MYO3B: variants seen among roughly 807,000 people sequenced by gnomAD.
MYO3B encodes the protein myosin IIIB.
MYO3B carries 156 observed loss-of-function variants against 174.6 expected under a neutral mutation model. The ratio of observed to expected loss-of-function variants is 0.89; its 90% CI spans 0.78 to 1.02. MYO3B has a LOEUF of 1.02. Ranked by LOEUF, MYO3B falls within the 50% of genes least tolerant of loss-of-function variation. The probability of loss-of-function intolerance (pLI) is 0.00; values close to 1 mark genes in which losing one functional copy is unlikely to be tolerated. For synonymous variants in MYO3B, 563 were observed against 569.1 expected (o/e 0.99, Z 0.15); for missense variants, 1,632 against 1,639.4 (o/e 1.00, Z 0.08).
chr2:170,250,647 G>A (rs900914409), intron 7 of MYO3B, among the ~76,000 whole-genome samples: 2 of 152,202 alleles, frequency 1.3e-5, no homozygotes, highest in Non-Finnish European at 2.9e-5. Flanking sequence ...AGGGTAGAGG[G>A]CCAGTGTGAC....
chr2:170,459,659 C>G (rs1684132822), intron 23 of MYO3B, among the ~76,000 whole-genome samples: 1 of 152,168 alleles, frequency 6.6e-6, no homozygotes, highest in Admixed American at 6.5e-5. Flanking sequence ...AGTCATGGGA[C>G]CGGGCGCCAT....
chr2:170,320,038 G>A (rs994901763), intron 7 of MYO3B, among the ~76,000 whole-genome samples: 1 of 152,144 alleles, frequency 6.6e-6, no homozygotes, highest in Non-Finnish European at 1.5e-5. Context: ...TGTCCTTCAG[G>A]TTGAATAGAA....
intron 23 of MYO3B, among the ~76,000 whole-genome samples, chr2:170,455,401 G>C (rs921133767): frequency 6.6e-6 from 1 of 152,106 alleles, no homozygotes; most frequent in Non-Finnish European, 1.5e-5. Context: ...TGGTTTCAGT[G>C]GCAGTATATA....
intron 7 of MYO3B, among the ~76,000 whole-genome samples, chr2:170,321,789 G>T (rs914654985): frequency 1.3e-5 from 2 of 152,104 alleles, no homozygotes; most frequent in Non-Finnish European, 2.9e-5. Context: ...GAAAATTCTT[G>T]TGTAAATACA....
intron 3 of MYO3B, among the ~76,000 whole-genome samples, chr2:170,210,421 C>T (rs746916395): frequency 1.3e-5 from 2 of 152,160 alleles, no homozygotes; most frequent in South Asian, 2.1e-4. Context: ...ACATACCTTG[C>T]GTGTAAATCT....
chr2:170,581,151 C>A (rs1368798655), intron 32 of MYO3B, among the ~76,000 whole-genome samples: 1 of 152,100 alleles, frequency 6.6e-6, no homozygotes, highest in African/African-American at 2.4e-5. Flanking sequence ...GACTGATGAA[C>A]CTTCCTTTTC....
Position 170,400,837 on chromosome 2 carries a change from C to G in MYO3B, c.1918+523C>G, listed in dbSNP as rs57598990. On this transcript the variant is annotated intron_variant, in intron 17 of 34. Transcript: ENST00000408978. ...AGGTAATTTTGAGCAGTGTTTTTTT[C>G]TTTTTTTTTTCGAGGCGGAGTCTCG... Among the ~76,000 whole-genome samples the G allele has an allele frequency of 2.0e-5, 3 of 148,214 alleles. No individual in the cohort carries two copies. In the East Asian group the frequency reaches 6.0e-4, roughly 30 times the overall value.
At chr2:170,581,363 G>A (rs1437259345) in intron 32 of MYO3B, among the ~76,000 whole-genome samples, 1 of 151,890 alleles carries the variant, frequency 6.6e-6, no homozygotes, top group Non-Finnish European at 1.5e-5. Context: ...TTTCTATATT[G>A]TGGCTATTAA....
rs112665742 is a variant in MYO3B, at chr2:170,493,186, C to T, written c.3015-5406C>T. Among the ~76,000 whole-genome samples the T allele has an allele frequency of 1.8e-4, 28 of 152,294 alleles. 1 individual carries two copies. The highest frequency in any genetic ancestry group is 5.8e-4 in the African/African-American group (24 of 41,564). On this transcript the variant is annotated intron_variant, in intron 25 of 34. Coordinates refer to ENST00000408978, the MANE Select transcript of MYO3B (RefSeq NM_138995.5). ...GTGTAACATGGAAAACCTATTATAT[C>T]TAAACAAGCAAAAGCTAAAGAACTA...
rs373529649 is a variant in MYO3B, at chr2:170,440,622, G to A, written c.2651-3345G>A. On this transcript the variant is annotated intron_variant, in intron 22 of 34. Coordinates refer to ENST00000408978, the MANE Select transcript of MYO3B (RefSeq NM_138995.5). ...AACTGAATTAGCTGGGATTGGTGGC[G>A]CGTGCCTCTAATCCCAGCTACTCAG... Among the ~76,000 whole-genome samples the A allele has an allele frequency of 2.0e-4, 30 of 151,502 alleles. No individual in the cohort carries two copies. In the South Asian group the frequency reaches 3.3e-3, roughly 17 times the overall value.
chr2:170,646,700 C>CTGTT (rs1305669514), intron 32 of MYO3B, among the ~76,000 whole-genome samples: 1 of 152,152 alleles, frequency 6.6e-6, no homozygotes, highest in Non-Finnish European at 1.5e-5. Flanking sequence ...CCAGCCAGCT[C>CTGTT]TGTTTATTGC....
chr2:170,520,149 G>C (rs998067125), intron 30 of MYO3B, among the ~76,000 whole-genome samples: 5 of 152,038 alleles, frequency 3.3e-5, no homozygotes, highest in African/African-American at 9.7e-5. Context: ...AGACATTTTT[G>C]TTTGTCACAA....
chr2:170,271,967 TC>T (rs2093428258), intron 7 of MYO3B, among the ~76,000 whole-genome samples: 1 of 152,106 alleles, frequency 6.6e-6, no homozygotes, highest in Non-Finnish European at 1.5e-5. Flanking sequence ...GCTCTTTGTA[TC>T]TAGTAAACTT....
chr2:170,236,250 T>A, intron 7 of MYO3B, 114 bp downstream of exon 7: 1 of 1,382,870 alleles, frequency 7.2e-7, no homozygotes, highest in Non-Finnish European at 9.9e-7. Context: ...AGCCTGATTG[T>A]GAAATATATT....
chr2:170,522,121 C>T (rs1431210037), intron 30 of MYO3B, among the ~76,000 whole-genome samples: 1 of 152,170 alleles, frequency 6.6e-6, no homozygotes, highest in East Asian at 1.9e-4. Flanking sequence ...GTCTTAGATT[C>T]TCTCCTTTCT....
At chr2:170,205,207 C>T (rs966050245) in intron 3 of MYO3B, among the ~76,000 whole-genome samples, 4 of 152,176 alleles carry the variant, frequency 2.6e-5, no homozygotes, top group Non-Finnish European at 5.9e-5. Context: ...CAAATAGCTA[C>T]TCTTAATCCC....
chr2:170,250,368 G>T (rs1202339215), intron 7 of MYO3B, among the ~76,000 whole-genome samples: 1 of 152,162 alleles, frequency 6.6e-6, no homozygotes, highest in East Asian at 1.9e-4. Context: ...AAAAAGTTTG[G>T]AGGCCACTGT....
intron 30 of MYO3B, 117 bp from the exon 31 acceptor site, chr2:170,542,789 A>C: frequency 6.2e-5 from 44 of 708,894 alleles, no homozygotes; most frequent in Non-Finnish European, 7.6e-5. Flanking sequence ...GAAATGGGAA[A>C]CCATGGAAGC....
intron 22 of MYO3B, among the ~76,000 whole-genome samples, chr2:170,428,875 A>T (rs1335500694): frequency 6.6e-6 from 1 of 152,236 alleles, no homozygotes; most frequent in Non-Finnish European, 1.5e-5. Flanking sequence ...AGTAGACATG[A>T]TCTCCTTAAG....
Sources: allele counts gnomAD v4.1 joint callset (sites outside exome capture counted in the v4.1 genomes callset), GRCh38; gene constraint gnomAD v4.1.1; transcripts MANE v1.5; gene names NCBI Gene and HGNC (gene_info 2026-07-23, HGNC 2026-07-21).